The following LCOR variants were observed in gnomAD, a reference collection of about 807,000 sequenced individuals.
The protein encoded by LCOR is ligand dependent nuclear receptor corepressor.
In LCOR, 14 loss-of-function variants were observed where a neutral mutation model predicts 64.4. The observed-to-expected ratio is 0.22, with a 90% CI of 0.14 to 0.34. LCOR has a LOEUF of 0.34. LCOR is among the 10% of genes least tolerant of loss of function. The pLI is 1.00. For missense variants in LCOR, 1,686 were observed against 1,765.3 expected, an observed-to-expected ratio of 0.96 and a Z score of 0.80; for synonymous variants, 643 against 642.5, an observed-to-expected ratio of 1.00 and a Z score of -0.01.
Position 96,833,448 on chromosome 10 carries a change from C to G in LCOR, c.-361C>G. On this transcript the variant is annotated 5_prime_UTR_variant, in exon 2 of 8. Coordinates refer to ENST00000421806, the MANE Select transcript of LCOR (RefSeq NM_001346516.2). ...GCGGCGGCCGGCGGGACCATAAGGG[C>G]TTAACTCATATATTTAACCCCCCTC... 1 of 986,136 alleles carries G rather than the reference C, an allele frequency of 1.0e-6. No individual in the cohort carries two copies. Among genetic ancestry groups the G allele is most frequent in the Non-Finnish European group, 1.2e-6 (1 of 830,170 alleles). The allele number at this position is 986,136 out of a possible 1,614,324, so 61.1% of individuals were successfully genotyped here.
chr10:96,844,089 C>G (rs1845585624), intron 2 of LCOR, among the ~76,000 whole-genome samples: 1 of 106,462 alleles, frequency 9.4e-6, no homozygotes, highest in African/African-American at 4.6e-5. Context: ...CCTACCTTCC[C>G]ACCCTCCCTC....
intron 7 of LCOR, among the ~76,000 whole-genome samples, chr10:96,979,636 A>G (rs931730997): frequency 7.9e-5 from 12 of 152,198 alleles, no homozygotes; most frequent in African/African-American, 1.4e-4. Context: ...TAAAGATACA[A>G]TACTACTACC....
intron 7 of LCOR, chr10:96,956,157 G>A: frequency 5.3e-6 from 7 of 1,320,274 alleles, no homozygotes; most frequent in Non-Finnish European, 6.8e-6. Context: ...CTCTACAAAA[G>A]AGAATTGAGT....
intron 2 of LCOR, among the ~76,000 whole-genome samples, chr10:96,852,902 A>G (rs1237582575): frequency 6.6e-6 from 1 of 152,090 alleles, no homozygotes; most frequent in Non-Finnish European, 1.5e-5. Flanking sequence ...CATTTTCTCT[A>G]TTATTTATGA....
Position 96,982,653 on chromosome 10 carries a change from T to C in LCOR, c.2193T>C (p.Ala731=), listed in dbSNP as rs1848102602. The part of the protein sequence containing the change: ...GKAEDNQSIS[A]EVESGDTQEL... ...CTGAGGACAACCAAAGCATCAGTGC[T>C]GAGGTTGAGTCTGGAGACACCCAGG... The change falls in exon 8 of 8, where the codon GCT becomes GCC. Residue 731 remains alanine (A), a synonymous_variant. Transcript: ENST00000421806. 6.2e-7 allele frequency: 1 copy of C among 1,614,024 alleles called. No individual in the cohort carries two copies. The highest frequency in any genetic ancestry group is 8.5e-7 in the Non-Finnish European group (1 of 1,180,024).
Position 96,982,812 on chromosome 10 carries a change from A to G in LCOR, c.2352A>G (p.Ser784=), listed in dbSNP as rs199600016. The G allele has an allele frequency of 3.4e-5, 55 of 1,614,000 alleles. 1 individual carries two copies. The Admixed American group carries it at 3.5e-4, about 10-fold the overall frequency. The change falls in exon 8 of 8, where the codon TCA becomes TCG. Residue 784 remains serine, a synonymous_variant. Coordinates refer to ENST00000421806, the MANE Select transcript of LCOR (RefSeq NM_001346516.2). ...EGEDGDVKCL[S]EKDTYDTSID... ...AGGACGGTGATGTAAAATGCCTGTC[A>G]GAAAAAGACACGTATGATACAAGCA...
rs781499207 is a variant in LCOR at position 96,939,835 on chromosome 10, C to T, written c.-183-4278C>T. ...AAAATCAGCCGGGCCTGATGGCACG[C>T]GCCTGTAGTCTCAGCTACTCTGGAG... On this transcript the variant is annotated intron_variant, in intron 4 of 7. Coordinates refer to ENST00000421806, the MANE Select transcript of LCOR (RefSeq NM_001346516.2). Among the ~76,000 whole-genome samples the T allele has an allele frequency of 6.6e-5, 10 of 152,190 alleles. No individual in the cohort carries two copies. The East Asian group carries it at 1.2e-3, about 18-fold the overall frequency.
chr10:96,976,884 C>T (rs781443638), intron 7 of LCOR, among the ~76,000 whole-genome samples: 9 of 152,142 alleles, frequency 5.9e-5, no homozygotes, highest in Admixed American at 5.2e-4. Flanking sequence ...AAAATTTTTG[C>T]GAAGAGTTAG....
chr10:96,989,789 C>G lies in LCOR; in HGVS notation c.*4655C>G, dbSNP rs1848183478. On this transcript the variant is annotated 3_prime_UTR_variant, in exon 8 of 8. Transcript: ENST00000421806. ...TCCTGGCCTCAAGCAGTGCTCCCACCTCAGCCTCCCAAAGTGCTGGGATTA... is the reference window on the plus strand; with the variant it reads ...TCCTGGCCTCAAGCAGTGCTCCCACGTCAGCCTCCCAAAGTGCTGGGATTA... The G allele has an allele frequency of 6.7e-6, 1 of 148,692 alleles. No homozygotes were observed. The highest frequency in any genetic ancestry group is 6.7e-5 in the Admixed American group (1 of 14,870). 9.2% of individuals were successfully genotyped at this position (148,692 alleles called of 1,614,324 possible).
At position 96,981,264 on chromosome 10, in the gene LCOR, G is replaced by A. The variant is rs754532101; in HGVS notation, c.804G>A (p.Pro268=). The change falls in exon 8 of 8, where the codon CCG becomes CCA. Residue 268 remains proline, a synonymous_variant. Transcript: ENST00000421806. ...INSSSVDSFT[P]GYLTASNCSS... ...GCAGTTCAGTGGATAGTTTCACTCCGGGATACCTCACTGCATCTAATTGTT... is the reference window on the plus strand; with the variant it reads ...GCAGTTCAGTGGATAGTTTCACTCCAGGATACCTCACTGCATCTAATTGTT... 22 of 1,127,496 alleles carry A rather than the reference G, an allele frequency of 2.0e-5. No homozygotes were observed. The highest frequency in any genetic ancestry group is 1.5e-4 in the South Asian group (12 of 78,142). 69.8% of individuals were successfully genotyped at this position (1,127,496 alleles called of 1,614,324 possible).
intron 2 of LCOR, among the ~76,000 whole-genome samples, chr10:96,870,091 G>C (rs1846047172): frequency 6.6e-6 from 1 of 151,986 alleles, no homozygotes; most frequent in Non-Finnish European, 1.5e-5. Flanking sequence ...GTCTCACTCT[G>C]TCGCCCAGGC....
rs191956298 is a variant in LCOR at position 96,947,430 on chromosome 10, T to G, written c.-50-1578T>G. On this transcript the variant is annotated intron_variant, in intron 5 of 7. Coordinates refer to ENST00000421806, the MANE Select transcript of LCOR (RefSeq NM_001346516.2). ...TTTTGATGATGTATTTGTTTGTTGT[T>G]TATTATGGAGATTTTAGATTTTAGT... Among the ~76,000 whole-genome samples, 630 of 152,278 alleles carry G rather than the reference T, an allele frequency of 4.1e-3. 17 individuals carry two copies. Among genetic ancestry groups the G allele is most frequent in the Admixed American group, 0.035 (528 of 15,292 alleles).
chr10:96,972,066 TATTA>T (rs2134555485), intron 7 of LCOR, among the ~76,000 whole-genome samples: 1 of 152,284 alleles, frequency 6.6e-6, no homozygotes, highest in South Asian at 2.1e-4. Context: ...TATAAAGGAC[TATTA>T]ATTCTTATAG....
At chr10:96,914,751 A>G (rs1204338370) in intron 4 of LCOR, among the ~76,000 whole-genome samples, 2 of 152,186 alleles carry the variant, frequency 1.3e-5, no homozygotes, top group African/African-American at 2.4e-5. Flanking sequence ...AGGGTTGACA[A>G]ATTTTCAAGA....
chr10:96,888,912 T>C (rs1356117254), intron 2 of LCOR, among the ~76,000 whole-genome samples: 1 of 152,254 alleles, frequency 6.6e-6, no homozygotes, highest in African/African-American at 2.4e-5. Context: ...AATCATACAC[T>C]GTGTAACCAT....
At chr10:96,902,218 A>C (rs1191495599) in intron 2 of LCOR, among the ~76,000 whole-genome samples, 3 of 151,450 alleles carry the variant, frequency 2.0e-5, no homozygotes, top group African/African-American at 7.3e-5. Context: ...GTCTTCATTA[A>C]TTCTGTTTCA....
At chr10:96,980,076 A>C (rs1282161273) in intron 7 of LCOR, among the ~76,000 whole-genome samples, 1 of 152,112 alleles carries the variant, frequency 6.6e-6, no homozygotes, top group Non-Finnish European at 1.5e-5. Flanking sequence ...CCCAGGAGGC[A>C]GAGGTTGCAG....
chr10:96,891,121 A>C (rs1846431484), intron 2 of LCOR, among the ~76,000 whole-genome samples: 1 of 151,936 alleles, frequency 6.6e-6, no homozygotes, highest in Non-Finnish European at 1.5e-5. Context: ...TCTTCTTTAA[A>C]TGTTTGGTAG....
chr10:96,895,684 C>T (rs1171260442), intron 2 of LCOR, among the ~76,000 whole-genome samples: 2 of 152,196 alleles, frequency 1.3e-5, no homozygotes, highest in African/African-American at 2.4e-5. Flanking sequence ...ACCATGCCTG[C>T]TTTCTTGCTA....
Sources: allele counts gnomAD v4.1 joint callset (sites outside exome capture counted in the v4.1 genomes callset), GRCh38; gene constraint gnomAD v4.1.1; transcripts MANE v1.5; gene names NCBI Gene and HGNC (gene_info 2026-07-23, HGNC 2026-07-21).